TET3: variants seen among roughly 807,000 people sequenced by gnomAD.
TET3 encodes methylcytosine dioxygenase TET3.
In TET3, 19 loss-of-function variants were observed where a neutral mutation model predicts 141.4. The observed-to-expected ratio is 0.13, with a 90% confidence interval of 0.09 to 0.20. The LOEUF (loss-of-function observed/expected upper bound fraction) is 0.20. Ranked by LOEUF, TET3 falls within the 10% of genes least tolerant of loss-of-function variation. The probability of loss-of-function intolerance (pLI) is 1.00; values close to 1 mark genes in which losing one functional copy is unlikely to be tolerated. For synonymous variants in TET3, 1,043 were observed against 980.9 expected, an observed-to-expected ratio of 1.06 and a Z score of -1.18; for missense variants, 1,874 against 2,356.9, an observed-to-expected ratio of 0.80 and a Z score of 4.24.
Position 74,105,048 on chromosome 2 carries a change from C to T in TET3, c.*2872C>T. 1 of 397,786 alleles carries T rather than the reference C, an allele frequency of 2.5e-6. No homozygotes were observed. The highest frequency in any genetic ancestry group is 4.4e-6 in the Non-Finnish European group (1 of 226,044). The allele number at this position is 397,786 out of a possible 1,614,324, so 24.6% of individuals were successfully genotyped here. A position where few individuals can be genotyped will look rare whatever the true frequency, so the allele number is the denominator to read the frequency against. Reference sequence around the variant, plus strand: ...AACTATGCACAGCTCTTTATCCCCCCCTTGCTGCTGAAGCTTTCTTAAAGA... The same window carrying T: ...AACTATGCACAGCTCTTTATCCCCCTCTTGCTGCTGAAGCTTTCTTAAAGA... On this transcript the variant is annotated 3_prime_UTR_variant, in exon 12 of 12. Transcript: ENST00000409262.
chr2:74,014,632 G>A (rs1356812215), intron 3 of TET3, among the ~76,000 whole-genome samples: 6 of 152,034 alleles, frequency 3.9e-5, no homozygotes, highest in Admixed American at 2.0e-4. Context: ...ATCCTAGGCC[G>A]AAATGGAAGT....
chr2:74,013,637 G>A (rs964883638), intron 3 of TET3, among the ~76,000 whole-genome samples: 23 of 151,798 alleles, frequency 1.5e-4, no homozygotes, highest in Non-Finnish European at 2.2e-4. Flanking sequence ...GTGAAACCCC[G>A]TCTCTACTGA....
chr2:74,127,409 T>C, the TET3 span, among the ~76,000 whole-genome samples: 529 of 152,346 alleles, frequency 3.5e-3, 2 homozygotes, highest in African/African-American at 0.012. Flanking sequence ...CTGTTAAGTA[T>C]TGTAGTGAGA....
In TET3 at chr2:74,046,717, T is replaced by G; in HGVS notation, c.800T>G (p.Met267Arg). ...QTALALARHGMKPPNCNCDGP... is the reference protein window; with the variant it reads ...QTALALARHGRKPPNCNCDGP... The stretch of plus-strand genomic sequence containing the variant: ...GCCCTGGCCCTCGCGCGGCATGGTA[T>G]GAAACCACCCAACTGCAACTGCGAT... The change falls in exon 4 of 12, where the codon ATG becomes AGG. Residue 267 changes from methionine to arginine, a missense_variant. Physicochemically the swap from Met to Arg is moderately conservative, Grantham distance 91 (BLOSUM62 -1). Transcript: ENST00000409262. This position sits in a 1 kb window ranked among gnomAD's most constrained non-coding sequence, Gnocchi z 4.3. 6.2e-7 allele frequency: 1 copy of G among 1,613,948 alleles called. No individual in the cohort carries two copies. Among genetic ancestry groups the G allele is most frequent in the Non-Finnish European group, 8.5e-7 (1 of 1,179,880 alleles).
At chr2:74,130,359 G>A in the TET3 span, among the ~76,000 whole-genome samples, 1 of 152,216 alleles carries the variant, frequency 6.6e-6, no homozygotes. Context: ...GGTGCCTAAG[G>A]GTAGAGCTGA....
chr2:74,052,842 C>G (rs1344908306), intron 4 of TET3, among the ~76,000 whole-genome samples: 1 of 152,108 alleles, frequency 6.6e-6, no homozygotes, highest in Non-Finnish European at 1.5e-5. Context: ...TGCACTCCAG[C>G]CTGGGCGAAA....
intron 4 of TET3, among the ~76,000 whole-genome samples, chr2:74,073,154 G>A (rs539229357): frequency 6.6e-6 from 1 of 152,248 alleles, no homozygotes; most frequent in South Asian, 2.1e-4. Flanking sequence ...GGCCGGGTGC[G>A]GTGGCTCACT....
At chr2:74,031,702 C>T (rs746682405) in intron 3 of TET3, among the ~76,000 whole-genome samples, 25 of 152,220 alleles carry the variant, frequency 1.6e-4, no homozygotes, top group Non-Finnish European at 2.9e-4. Flanking sequence ...ATACCCTCTG[C>T]CAAAAATTAA....
the TET3 span, among the ~76,000 whole-genome samples, chr2:74,124,022 G>T: frequency 2.0e-5 from 3 of 149,126 alleles, no homozygotes; most frequent in Non-Finnish European, 4.5e-5. Flanking sequence ...CCTCCGCCCG[G>T]CAGCCACCCC....
At chr2:74,118,079 A>G in the TET3 span, among the ~76,000 whole-genome samples, 34,641 of 152,202 alleles carry the variant, frequency 0.23, 4,287 homozygotes, top group East Asian at 0.37. Context: ...ATTGATAAAA[A>G]CCAAGTACCT....
chr2:74,123,397 T>G, the TET3 span, among the ~76,000 whole-genome samples: 1 of 151,104 alleles, frequency 6.6e-6, no homozygotes, highest in African/African-American at 2.4e-5. Context: ...GGCGGGCGGA[T>G]CACGAGTTCA....
chr2:74,090,177 T>C (rs1311702307), intron 8 of TET3, 130 bp downstream of exon 8: 69 of 1,386,962 alleles, frequency 5.0e-5, no homozygotes, highest in Non-Finnish European at 6.3e-5. Flanking sequence ...TTCGTTTTTT[T>C]AAAAGCTGAC....
chr2:74,033,590 G>T (rs1477224777), intron 3 of TET3, among the ~76,000 whole-genome samples: 2 of 152,146 alleles, frequency 1.3e-5, no homozygotes, highest in African/African-American at 4.8e-5. Flanking sequence ...CTAAACCACT[G>T]CAATAAAGTG....
chr2:74,019,169 A>T (rs1685895540), intron 3 of TET3, among the ~76,000 whole-genome samples: 1 of 152,188 alleles, frequency 6.6e-6, no homozygotes, highest in Admixed American at 6.5e-5. Context: ...ATGTGGGAGG[A>T]TCGCTGTAGC....
chr2:74,057,360 G>T (rs915606128), intron 4 of TET3, among the ~76,000 whole-genome samples: 1 of 152,138 alleles, frequency 6.6e-6, no homozygotes, highest in African/African-American at 2.4e-5. Context: ...CAAAGGGCTT[G>T]GAGATGAAAT....
chr2:74,022,094 C>CTTTTTTTTTTTTTTTTTTTTTTTTT (rs34529157), intron 3 of TET3, among the ~76,000 whole-genome samples: 2 of 82,768 alleles, frequency 2.4e-5, no homozygotes, highest in Admixed American at 1.4e-4. Context: ...TTCTAGGACA[C>CTTTTTTTTTTTTTTTTTTTTTTTTT]TTTTTTTTTT....
intron 3 of TET3, among the ~76,000 whole-genome samples, chr2:74,027,506 A>G (rs1291835014): frequency 6.6e-6 from 1 of 152,058 alleles, no homozygotes; most frequent in Non-Finnish European, 1.5e-5. Flanking sequence ...CCCTGTGGCA[A>G]ATAGCATTCA....
At chr2:74,020,574 C>T (rs1053819285) in intron 3 of TET3, among the ~76,000 whole-genome samples, 1 of 152,334 alleles carries the variant, frequency 6.6e-6, no homozygotes, top group East Asian at 1.9e-4. Context: ...TCACTCTGTA[C>T]CCTTGGCAGT....
intron 6 of TET3, among the ~76,000 whole-genome samples, chr2:74,086,447 A>G (rs1420566701): frequency 6.6e-6 from 1 of 152,162 alleles, no homozygotes; most frequent in Non-Finnish European, 1.5e-5. Context: ...TTTGAAGCAT[A>G]TAATTCAATG....
Sources: allele counts gnomAD v4.1 joint callset (sites outside exome capture counted in the v4.1 genomes callset), GRCh38; gene constraint gnomAD v4.1.1; non-coding constraint Gnocchi (gnomAD v3.1); transcripts MANE v1.5; gene names NCBI Gene and HGNC (gene_info 2026-07-23, HGNC 2026-07-21).